Variants in TFCP2L1 observed in about 807,000 individuals in gnomAD.
TFCP2L1 encodes the protein transcription factor CP2 like 1, also known as transcription factor CP2-like protein 1.
In TFCP2L1, 12 loss-of-function variants were observed where a neutral mutation model predicts 72.2. The ratio of observed to expected loss-of-function variants is 0.17; its 90% CI spans 0.11 to 0.27. The LOEUF is 0.27. Ranked by LOEUF, TFCP2L1 falls within the 10% of genes least tolerant of loss-of-function variation. The pLI, the probability that TFCP2L1 is intolerant of heterozygous loss-of-function variation, is 1.00. For missense variants in TFCP2L1, 488 were observed against 624.6 expected (o/e 0.78, Z 2.33); for synonymous variants, 260 against 251.0 (o/e 1.04, Z -0.34).
intron 2 of TFCP2L1, among the ~76,000 whole-genome samples, chr2:121,258,721 C>A (rs1295103771): frequency 6.6e-6 from 1 of 152,196 alleles, no homozygotes; most frequent in African/African-American, 2.4e-5. Context: ...TGTCCAGATT[C>A]AAGCGGGGTC....
chr2:121,241,115 A>G (rs1376235301), intron 7 of TFCP2L1, among the ~76,000 whole-genome samples: 1 of 152,180 alleles, frequency 6.6e-6, no homozygotes, highest in Non-Finnish European at 1.5e-5. Context: ...ACCACCACCA[A>G]TCAGTCAGCC....
At chr2:121,269,148 ATCT>A (rs1292738955) in intron 2 of TFCP2L1, among the ~76,000 whole-genome samples, 9 of 152,134 alleles carry the variant, frequency 5.9e-5, no homozygotes, top group African/African-American at 1.7e-4. Context: ...ATAAAAATTT[ATCT>A]TAAAAACTTT....
chr2:121,263,578 C>T (rs1479258768), intron 2 of TFCP2L1, among the ~76,000 whole-genome samples: 1 of 151,594 alleles, frequency 6.6e-6, no homozygotes, highest in Non-Finnish European at 1.5e-5. Context: ...TAAGGTGCTG[C>T]TATTCTCCAT....
At chr2:121,246,223 C>T (rs565617786) in intron 6 of TFCP2L1, among the ~76,000 whole-genome samples, 11 of 152,300 alleles carry the variant, frequency 7.2e-5, no homozygotes, top group South Asian at 6.2e-4. Context: ...TGAGCTCTAT[C>T]GTTGGCTACT....
At chr2:121,244,808 G>T (rs895063611) in intron 6 of TFCP2L1, among the ~76,000 whole-genome samples, 2 of 152,200 alleles carry the variant, frequency 1.3e-5, no homozygotes, top group South Asian at 4.1e-4. Context: ...GAGCAGAGAC[G>T]CGGTCTGTAC....
chr2:121,278,029 CTTT>C (rs530823906), intron 2 of TFCP2L1, among the ~76,000 whole-genome samples: 10 of 122,706 alleles, frequency 8.1e-5, no homozygotes, highest in South Asian at 2.6e-4. Context: ...CTTTTTCTCT[CTTT>C]TTTTTTTTTT....
At chr2:121,232,533 TG>T (rs1686166423) in intron 12 of TFCP2L1, among the ~76,000 whole-genome samples, 1 of 152,196 alleles carries the variant, frequency 6.6e-6, no homozygotes, top group Non-Finnish European at 1.5e-5. Flanking sequence ...GACACCCAGA[TG>T]GGCTGAAGGG....
At chr2:121,270,116 T>C (rs776733077) in intron 2 of TFCP2L1, among the ~76,000 whole-genome samples, 9 of 151,912 alleles carry the variant, frequency 5.9e-5, no homozygotes, top group Non-Finnish European at 1.2e-4. Context: ...TGAAAAAATA[T>C]TTCACATCAT....
At position 121,231,614 on chromosome 2, in the gene TFCP2L1, G is replaced by A. The variant is rs559393975; in HGVS notation, c.1341+212C>T. On this transcript the variant is annotated intron_variant, in intron 13 of 14. Coordinates refer to ENST00000263707, the MANE Select transcript of TFCP2L1 (RefSeq NM_014553.3). The stretch of plus-strand genomic sequence containing the variant: ...CCACCGGGCACCCAGCCCAGGAGGG[G>A]TAAGGAGTGCCTACTTGGCATGGCA... Among the ~76,000 whole-genome samples the A allele has an allele frequency of 3.9e-5, 6 of 152,380 alleles. No homozygotes were observed. The South Asian group carries it at 1.2e-3, about 32-fold the overall frequency.
chr2:121,244,101 C>T (rs993300331), intron 6 of TFCP2L1, among the ~76,000 whole-genome samples: 4 of 152,266 alleles, frequency 2.6e-5, no homozygotes, highest in South Asian at 2.1e-4. Flanking sequence ...TTCCCTGCTC[C>T]ACCTCCAGCT....
At chr2:121,267,631 C>T (rs1686958432) in intron 2 of TFCP2L1, among the ~76,000 whole-genome samples, 1 of 151,982 alleles carries the variant, frequency 6.6e-6, no homozygotes, top group Non-Finnish European at 1.5e-5. Flanking sequence ...GTAGCTGGGA[C>T]TACAGGCATG....
intron 2 of TFCP2L1, among the ~76,000 whole-genome samples, chr2:121,273,153 C>G (rs553597485): frequency 6.6e-5 from 10 of 152,174 alleles, no homozygotes; most frequent in Non-Finnish European, 1.5e-4. Flanking sequence ...AAATTCATTA[C>G]TATACTTAAG....
chr2:121,236,817 C>A (rs1157466642), intron 10 of TFCP2L1, among the ~76,000 whole-genome samples: 2 of 152,262 alleles, frequency 1.3e-5, no homozygotes, highest in East Asian at 3.9e-4. Context: ...GGCACTCCTC[C>A]CCCACCTCCA....
intron 8 of TFCP2L1, among the ~76,000 whole-genome samples, chr2:121,239,259 G>C (rs1190244207): frequency 6.6e-6 from 1 of 152,218 alleles, no homozygotes; most frequent in African/African-American, 2.4e-5. Context: ...ACTGTCAGGA[G>C]GGCCATTCTG....
At chr2:121,278,098 G>A (rs1161395407) in intron 2 of TFCP2L1, among the ~76,000 whole-genome samples, 4 of 145,778 alleles carry the variant, frequency 2.7e-5, no homozygotes, top group Admixed American at 6.9e-5. Context: ...CTGCAGTGGC[G>A]CAATCTCGGC....
intron 6 of TFCP2L1, among the ~76,000 whole-genome samples, chr2:121,243,661 T>G (rs1455503098): frequency 2.6e-5 from 4 of 151,974 alleles, no homozygotes; most frequent in African/African-American, 9.7e-5. Flanking sequence ...GAATTGCACA[T>G]GCAAGGGATC....
intron 1 of TFCP2L1, among the ~76,000 whole-genome samples, chr2:121,284,457 G>A (rs971704108): frequency 3.3e-5 from 5 of 152,236 alleles, no homozygotes; most frequent in African/African-American, 1.2e-4. Context: ...AATCCCTCCA[G>A]CAGAAGAAAG....
At chr2:121,237,515 G>T (rs1686275441) in intron 10 of TFCP2L1, 108 bp downstream of exon 10, 6 of 1,305,130 alleles carry the variant, frequency 4.6e-6, no homozygotes, top group Non-Finnish European at 6.5e-6. Context: ...GGGTCTCCCA[G>T]CTGAAACGAC....
Position 121,239,625 on chromosome 2 carries a change from A to G in TFCP2L1, c.793T>C (p.Tyr265His), listed in dbSNP as rs1364930733. 14 of 1,614,212 alleles carry G rather than the reference A, an allele frequency of 8.7e-6. No individual in the cohort carries two copies. Among genetic ancestry groups the G allele is most frequent in the Non-Finnish European group, 1.2e-5 (14 of 1,180,026 alleles). ...GGGGACGGGGCGCTGTTCACCTGGTAGGCCACGTCGGGCCATGGAGAGCAC... is the reference window on the plus strand; with the variant it reads ...GGGGACGGGGCGCTGTTCACCTGGTGGGCCACGTCGGGCCATGGAGAGCAC... ...TECSPWPDVA[Y>H]QVNSAPSPSY... is the part of the protein sequence containing the mutation. The change falls in exon 8 of 15, where the codon TAC becomes CAC. Residue 265 changes from tyrosine (Y) to histidine (H), a missense_variant. Coordinates refer to ENST00000263707, the MANE Select transcript of TFCP2L1 (RefSeq NM_014553.3).
Sources: gnomAD v4.1 joint callset for allele counts (sites outside exome capture counted in the v4.1 genomes callset) on GRCh38, gnomAD v4.1.1 for gene constraint, MANE v1.5 for transcripts, NCBI Gene and HGNC (gene_info 2026-07-23, HGNC 2026-07-21) for gene names.